The following OSBPL8 variants were observed in gnomAD, a reference collection of about 807,000 sequenced individuals.
OSBPL8 encodes oxysterol-binding protein-related protein 8.
OSBPL8 carries 59 observed loss-of-function variants against 125.5 expected under a neutral mutation model. The ratio of observed to expected loss-of-function variants is 0.47; its 90% CI spans 0.38 to 0.58. The LOEUF is 0.58. Among genes scored for constraint, OSBPL8 ranks in the 20% least tolerant of loss-of-function variants. The pLI is 0.00. For missense variants in OSBPL8, 758 were observed against 1,047.8 expected, an observed-to-expected ratio of 0.72 and a Z score of 3.82; for synonymous variants, 330 against 338.9, an observed-to-expected ratio of 0.97 and a Z score of 0.29.
chr12:76,364,913 G>A (rs1038080261), intron 21 of OSBPL8, among the ~76,000 whole-genome samples: 15 of 152,088 alleles, frequency 9.9e-5, no homozygotes, highest in African/African-American at 2.7e-4. Flanking sequence ...AATAGGCTTG[G>A]AATATTGACA....
intron 1 of OSBPL8, among the ~76,000 whole-genome samples, chr12:76,532,724 A>T (rs984817909): frequency 2.0e-5 from 3 of 150,782 alleles, no homozygotes; most frequent in Non-Finnish European, 2.9e-5. Flanking sequence ...GACAAAAAAA[A>T]AAAGAGCCAG....
At position 76,390,725 on chromosome 12, in the gene OSBPL8, T is replaced by C. The variant is rs981857042; in HGVS notation, c.930-68A>G. On this transcript the variant is annotated intron_variant, in intron 10 of 23. Transcript: ENST00000261183. ...AGAATGCTCAATTCATAAATAATAA[T>C]TATATACAACATTTATTGAGAATTT... 2.8e-5 allele frequency: 26 copies of C among 920,954 alleles called. No individual in the cohort carries two copies. In the African/African-American group the frequency reaches 4.2e-4, roughly 15 times the overall value. 57.0% of individuals were successfully genotyped at this position (920,954 alleles called of 1,614,324 possible). A position where few individuals can be genotyped will look rare whatever the true frequency, so the allele number is the denominator to read the frequency against.
intron 1 of OSBPL8, among the ~76,000 whole-genome samples, chr12:76,498,999 G>C (rs913108351): frequency 6.6e-6 from 1 of 152,152 alleles, no homozygotes; most frequent in Non-Finnish European, 1.5e-5. Flanking sequence ...GGGTGTTTCT[G>C]TGAGGGTGTT....
intron 21 of OSBPL8, among the ~76,000 whole-genome samples, chr12:76,360,393 C>T (rs902923988): frequency 1.2e-4 from 18 of 152,226 alleles, no homozygotes; most frequent in African/African-American, 4.1e-4. Context: ...TGGGCAGCTC[C>T]ACCCTTGTGG....
At chr12:76,469,383 T>C (rs138858676) in intron 2 of OSBPL8, among the ~76,000 whole-genome samples, 7 of 152,282 alleles carry the variant, frequency 4.6e-5, no homozygotes, top group Non-Finnish European at 8.8e-5. Context: ...ATTCCATCTG[T>C]CTTGTCACTG....
At chr12:76,501,904 C>T (rs555005099) in intron 1 of OSBPL8, among the ~76,000 whole-genome samples, 1 of 152,238 alleles carries the variant, frequency 6.6e-6, no homozygotes, top group African/African-American at 2.4e-5. Flanking sequence ...TCTGCCTGAA[C>T]TAACATCCAT....
intron 21 of OSBPL8, among the ~76,000 whole-genome samples, chr12:76,368,371 G>A (rs1952498343): frequency 6.6e-6 from 1 of 152,052 alleles, no homozygotes; most frequent in South Asian, 2.1e-4. Context: ...GTTGTGGTGT[G>A]GGTCTCTCTG....
chr12:76,431,862 GAAC>G (rs1411253992), intron 4 of OSBPL8, among the ~76,000 whole-genome samples: 1 of 151,792 alleles, frequency 6.6e-6, no homozygotes, highest in Non-Finnish European at 1.5e-5. Flanking sequence ...GAAAAGAAAT[GAAC>G]AACATTACAG....
chr12:76,514,043 T>C (rs1176313808), intron 1 of OSBPL8, among the ~76,000 whole-genome samples: 3 of 152,170 alleles, frequency 2.0e-5, no homozygotes, highest in African/African-American at 7.2e-5. Flanking sequence ...TGTTTTTGTA[T>C]TAGCTGGTAG....
At chr12:76,544,300 A>C (rs969648498) in intron 1 of OSBPL8, among the ~76,000 whole-genome samples, 1 of 152,166 alleles carries the variant, frequency 6.6e-6, no homozygotes, top group Non-Finnish European at 1.5e-5. Context: ...TTTATGTGTG[A>C]GACTTGGTTC....
In OSBPL8 at chr12:76,390,607, T is replaced by A; in HGVS notation, c.980A>T (p.Tyr327Phe). Residue 327 changes from tyrosine (Y) to phenylalanine (F), a missense_variant, in exon 11 of 24, where the codon TAT (tyrosine) becomes TTT (phenylalanine). Coordinates refer to ENST00000261183, the MANE Select transcript of OSBPL8 (RefSeq NM_020841.5). ...ERQHFKDQDM[Y>F]SDKSDKENDQ... Reference sequence around the variant, plus strand: ...ATTTTCTTTATCAGATTTATCAGAATACATATCTTGGTCCTTAAAATGTTG... The same window carrying A: ...ATTTTCTTTATCAGATTTATCAGAAAACATATCTTGGTCCTTAAAATGTTG... 6.2e-7 allele frequency: 1 copy of A among 1,613,716 alleles called. No individual in the cohort carries two copies. The highest frequency in any genetic ancestry group is 8.5e-7 in the Non-Finnish European group (1 of 1,179,796).
intron 1 of OSBPL8, among the ~76,000 whole-genome samples, chr12:76,498,378 G>A (rs1451361869): frequency 6.6e-6 from 1 of 152,178 alleles, no homozygotes; most frequent in Non-Finnish European, 1.5e-5. Flanking sequence ...AACTATGGAT[G>A]CAACACTTAA....
Position 76,371,491 on chromosome 12 carries a change from G to T in OSBPL8, c.2011C>A (p.His671Asn). Residue 671 changes from histidine to asparagine, a missense_variant, in exon 19 of 24, where the codon CAC becomes AAC. By Grantham distance (68) the His-to-Asn change is moderately conservative (BLOSUM62 1). Transcript: ENST00000261183. ...CCCTGTTCTTCAAATTTTACAGTGTGCCTTATTAATCTCCATTGCTTAATG... is the reference window on the plus strand; with the variant it reads ...CCCTGTTCTTCAAATTTTACAGTGTTCCTTATTAATCTCCATTGCTTAATG... ...PDIKQWRLIR[H>N]TVKFEEQGDF... is the part of the protein sequence containing the mutation. 3 of 1,609,236 alleles carry T rather than the reference G, an allele frequency of 1.9e-6. No homozygotes were observed. The highest frequency in any genetic ancestry group is 1.7e-6 in the Non-Finnish European group (2 of 1,177,482).
chr12:76,393,568 G>A (rs557835637), intron 9 of OSBPL8, among the ~76,000 whole-genome samples: 10 of 151,316 alleles, frequency 6.6e-5, no homozygotes, highest in South Asian at 2.1e-4. Flanking sequence ...AAAATTAGCC[G>A]GGTGTGGTGG....
chr12:76,459,229 G>T (rs1319215539), intron 3 of OSBPL8, among the ~76,000 whole-genome samples: 1 of 152,008 alleles, frequency 6.6e-6, no homozygotes, highest in African/African-American at 2.4e-5. Context: ...TATAAAAATT[G>T]CCCCTCTTAC....
At chr12:76,545,615 T>C (rs966101089) in intron 1 of OSBPL8, among the ~76,000 whole-genome samples, 1 of 152,200 alleles carries the variant, frequency 6.6e-6, no homozygotes, top group African/African-American at 2.4e-5. Flanking sequence ...ATCTTGGGCA[T>C]GAAACAAAAA....
chr12:76,452,932 A>T (rs921517198), intron 3 of OSBPL8, among the ~76,000 whole-genome samples: 1 of 152,000 alleles, frequency 6.6e-6, no homozygotes, highest in Non-Finnish European at 1.5e-5. Flanking sequence ...TCATCTCTTC[A>T]GAAAAGCCCT....
intron 1 of OSBPL8, among the ~76,000 whole-genome samples, chr12:76,529,686 C>T (rs1188662194): frequency 6.6e-6 from 1 of 152,118 alleles, no homozygotes; most frequent in Non-Finnish European, 1.5e-5. Context: ...GCTCATTATT[C>T]AAAGGCCAGC....
At chr12:76,439,315 G>A (rs1871890772) in intron 4 of OSBPL8, among the ~76,000 whole-genome samples, 1 of 151,942 alleles carries the variant, frequency 6.6e-6, no homozygotes, top group African/African-American at 2.4e-5. Flanking sequence ...GGAGGCGGAG[G>A]TTGCAGTGAC....
Sources: allele counts gnomAD v4.1 joint callset (sites outside exome capture counted in the v4.1 genomes callset), GRCh38; gene constraint gnomAD v4.1.1; transcripts MANE v1.5; gene names NCBI Gene and HGNC (gene_info 2026-07-23, HGNC 2026-07-21).